SKIL: variants seen among roughly 807,000 people sequenced by gnomAD.
SKIL encodes ski-like protein.
Under a neutral mutation model 69.6 loss-of-function variants are expected in SKIL, and 20 were observed. The ratio of observed to expected loss-of-function variants is 0.29; its 90% CI spans 0.20 to 0.42. The LOEUF is 0.42. Ranked by LOEUF, SKIL falls within the 10% of genes least tolerant of loss-of-function variation. The pLI is 1.00. For synonymous variants in SKIL, 310 were observed against 279.9 expected (o/e 1.11, Z -1.08); for missense variants, 745 against 783.1 (o/e 0.95, Z 0.58).
chr3:170,363,320 A>G (rs1443089403), intron 2 of SKIL, among the ~76,000 whole-genome samples: 1 of 152,178 alleles, frequency 6.6e-6, no homozygotes, highest in African/African-American at 2.4e-5. Context: ...TTTGAGGGAA[A>G]TTTAGTTAAC....
chr3:170,382,119 A>G (rs1737384574), intron 3 of SKIL, among the ~76,000 whole-genome samples: 1 of 152,156 alleles, frequency 6.6e-6, no homozygotes, highest in Non-Finnish European at 1.5e-5. Flanking sequence ...TTATTTTTAA[A>G]TAAGTACATT....
At position 170,376,936 on chromosome 3, in the gene SKIL, A is replaced by G. The variant is rs144432881; in HGVS notation, c.1099-4308A>G. 1.9e-3 allele frequency among the ~76,000 whole-genome samples: 287 copies of G among 152,288 alleles called. 1 individual carries two copies. Among genetic ancestry groups the G allele is most frequent in the African/African-American group, 6.7e-3 (277 of 41,548 alleles). On this transcript the variant is annotated intron_variant, in intron 2 of 6. Coordinates refer to ENST00000259119, the MANE Select transcript of SKIL (RefSeq NM_005414.5). ...CTTTGTTGAATTGGGGTAGGGGACA[A>G]TTGAGATATATTAAATTATTTGCCC...
intron 2 of SKIL, among the ~76,000 whole-genome samples, chr3:170,365,752 CTTTTTTT>C (rs59222162): frequency 1.7e-4 from 18 of 106,490 alleles, no homozygotes; most frequent in East Asian, 2.7e-4. Context: ...TCAAACTAGG[CTTTTTTT>C]TTTTTTTTTT....
At chr3:170,358,168 C>T (rs1736032009) in intron 1 of SKIL, among the ~76,000 whole-genome samples, 1 of 152,202 alleles carries the variant, frequency 6.6e-6, no homozygotes, top group Non-Finnish European at 1.5e-5. Context: ...GATCCGCGCC[C>T]GGCGCCTAAA....
In SKIL at chr3:170,365,752, C is replaced by CTTTTTTTTTTTTTTTTT. The variant is rs59222162; in HGVS notation, c.1098+4328_1098+4344dup. On this transcript the variant is annotated intron_variant, in intron 2 of 6. Coordinates refer to ENST00000259119, the MANE Select transcript of SKIL (RefSeq NM_005414.5). ...GCTCATTTTAAAAAGTCAAACTAGG[C>CTTTTTTTTTTTTTTTTT]TTTTTTTTTTTTTTTTTTTTTGAGA... is the stretch of plus-strand genomic sequence containing the variant. Among the ~76,000 whole-genome samples, 108 of 106,434 alleles carry CTTTTTTTTTTTTTTTTT rather than the reference C, an allele frequency of 1.0e-3. 5 individuals carry two copies. The highest frequency in any genetic ancestry group is 3.8e-3 in the African/African-American group (96 of 25,202). The allele number at this position is 106,434 out of a possible 152,430, so 69.8% of individuals were successfully genotyped here. A position where few individuals can be genotyped will look rare whatever the true frequency, so the allele number is the denominator to read the frequency against.
intron 2 of SKIL, among the ~76,000 whole-genome samples, chr3:170,379,724 C>A (rs7623490): frequency 0.84 from 127,567 of 151,982 alleles, 53,788 homozygotes; most frequent in East Asian, 0.94. Context: ...GCTCACTGCA[C>A]CCTCCATCTC....
chr3:170,392,450 G>T lies in SKIL; in HGVS notation c.*33G>T. The T allele has an allele frequency of 1.4e-6, 2 of 1,440,172 alleles. No individual in the cohort carries two copies. The highest frequency in any genetic ancestry group is 1.5e-5 in the South Asian group (1 of 68,662). The allele number at this position is 1,440,172 out of a possible 1,614,324, so 89.2% of individuals were successfully genotyped here. A position where few individuals can be genotyped will look rare whatever the true frequency, so the allele number is the denominator to read the frequency against. On this transcript the variant is annotated 3_prime_UTR_variant, in exon 7 of 7. Coordinates refer to ENST00000259119, the MANE Select transcript of SKIL (RefSeq NM_005414.5). ...TAAAGAGATTCATCTGTGTATTACTGACAAGGTTTTTTTTGTTTGTTGCTT... is the reference window on the plus strand; with the variant it reads ...TAAAGAGATTCATCTGTGTATTACTTACAAGGTTTTTTTTGTTTGTTGCTT...
chr3:170,388,103 A>G (rs548538691), intron 4 of SKIL, among the ~76,000 whole-genome samples: 1 of 152,264 alleles, frequency 6.6e-6, no homozygotes, highest in South Asian at 2.1e-4. Flanking sequence ...ACTTTTCAAA[A>G]GCAGTTGCAC....
At position 170,391,086 on chromosome 3, in the gene SKIL, ACAG is replaced by A. The variant is rs769086864; in HGVS notation, c.1726_1728del (p.Gln576del). On this transcript the variant is annotated inframe_deletion, in exon 6 of 7. Transcript: ENST00000259119. ...AATCTATGAAGGAACTCACTGAAGA[ACAG>A]CAGAATTTACAGAAAGAGCTTGAAT... is the stretch of plus-strand genomic sequence containing the variant. The A allele has an allele frequency of 2.5e-6, 4 of 1,609,386 alleles. No homozygotes were observed. In the African/African-American group the frequency reaches 5.3e-5, roughly 22 times the overall value.
chr3:170,384,835 AG>A (rs1737538451), intron 4 of SKIL, 70 bp downstream of exon 4: 3 of 840,050 alleles, frequency 3.6e-6, no homozygotes, highest in Non-Finnish European at 5.5e-6. Flanking sequence ...ATTTTCAAAC[AG>A]GCTTTTTGTT....
intron 2 of SKIL, among the ~76,000 whole-genome samples, chr3:170,378,931 C>T (rs1216871161): frequency 6.6e-5 from 10 of 151,774 alleles, no homozygotes; most frequent in Admixed American, 2.6e-4. Context: ...GGCTGGAGTG[C>T]GGTGGTGCAA....
intron 2 of SKIL, among the ~76,000 whole-genome samples, chr3:170,376,684 T>A (rs1437944886): frequency 6.6e-6 from 1 of 152,100 alleles, no homozygotes; most frequent in Non-Finnish European, 1.5e-5. Flanking sequence ...CAAGTGATCC[T>A]CCTGCCTTAG....
chr3:170,370,664 G>C (rs574279970), intron 2 of SKIL, among the ~76,000 whole-genome samples: 1 of 152,160 alleles, frequency 6.6e-6, no homozygotes, highest in African/African-American at 2.4e-5. Context: ...TTTATTCTGA[G>C]ATTTCAAATG....
chr3:170,386,614 T>C (rs1265085628), intron 4 of SKIL, among the ~76,000 whole-genome samples: 2 of 151,996 alleles, frequency 1.3e-5, no homozygotes, highest in Admixed American at 6.6e-5. Flanking sequence ...ACTACAGGCA[T>C]GTGCCACTGC....
chr3:170,392,275 A>C lies in SKIL; in HGVS notation c.1913A>C (p.Gln638Pro). ...EYAGQLAELR[Q>P]RLDHAEADRQ... is the part of the protein sequence containing the mutation. ...ATCACATAGTTGGCAGAACTGAGGC[A>C]GAGATTGGACCATGCTGAGGCCGAT... The change falls in exon 7 of 7, where the codon CAG becomes CCG. Residue 638 changes from glutamine (Q) to proline (P), a missense_variant. Transcript: ENST00000259119. 2 of 1,603,584 alleles carry C rather than the reference A, an allele frequency of 1.2e-6. No homozygotes were observed. Among genetic ancestry groups the C allele is most frequent in the Non-Finnish European group, 1.7e-6 (2 of 1,176,344 alleles).
intron 2 of SKIL, among the ~76,000 whole-genome samples, chr3:170,373,578 A>G (rs1208643130): frequency 5.9e-5 from 9 of 152,348 alleles, no homozygotes; most frequent in African/African-American, 2.2e-4. Flanking sequence ...TCTTTAGTTC[A>G]TTAATGTTTG....
At position 170,396,185 on chromosome 3, in the gene SKIL, G is replaced by T. The variant is rs573674503; in HGVS notation, c.*3768G>T. 6.6e-6 allele frequency: 1 copy of T among 151,940 alleles called. No homozygotes were observed. The highest frequency in any genetic ancestry group is 1.5e-5 in the Non-Finnish European group (1 of 67,934). The allele number at this position is 151,940 out of a possible 1,614,324, so 9.4% of individuals were successfully genotyped here. On this transcript the variant is annotated 3_prime_UTR_variant, in exon 7 of 7. Transcript: ENST00000259119. ...AAAATTCAGCCCAGAAAACAAAATA[G>T]TGTATTAAATTAGTTTAATGTAAAA...
intron 2 of SKIL, among the ~76,000 whole-genome samples, chr3:170,362,971 G>A (rs537040133): frequency 7.3e-4 from 111 of 151,300 alleles, no homozygotes; most frequent in African/African-American, 2.5e-3. Flanking sequence ...TTTCTTGATC[G>A]GGTTGTTTTA....
chr3:170,365,982 C>T (rs1560207983), intron 2 of SKIL, among the ~76,000 whole-genome samples: 4 of 151,634 alleles, frequency 2.6e-5, no homozygotes, highest in African/African-American at 7.3e-5. Context: ...TCTTGAACTC[C>T]TGACCTCAGA....
Sources: gnomAD v4.1 joint callset for allele counts (sites outside exome capture counted in the v4.1 genomes callset) on GRCh38, gnomAD v4.1.1 for gene constraint, MANE v1.5 for transcripts, NCBI Gene and HGNC (gene_info 2026-07-23, HGNC 2026-07-21) for gene names.